Variants in CEMIP observed in about 807,000 individuals in gnomAD.
CEMIP encodes cell migration inducing hyaluronidase 1.
In CEMIP, 105 loss-of-function variants were observed where a neutral mutation model predicts 156.9. The ratio of observed to expected loss-of-function variants is 0.67; its 90% CI spans 0.57 to 0.79. The LOEUF is 0.79. Among genes scored for constraint, CEMIP ranks in the 30% least tolerant of loss-of-function variants. The pLI, the probability that CEMIP is intolerant of heterozygous loss-of-function variation, is 0.00. For synonymous variants in CEMIP, 676 were observed against 668.4 expected, an observed-to-expected ratio of 1.01 and a Z score of -0.17; for missense variants, 1,457 against 1,769.4, an observed-to-expected ratio of 0.82 and a Z score of 3.17.
At chr15:80,894,955 AC>A (rs770881423) in intron 10 of CEMIP, 34 bp from the exon 11 acceptor site, 2 of 1,613,528 alleles carry the variant, frequency 1.2e-6, no homozygotes, top group East Asian at 2.2e-5. Context: ...TAAAAAAAAA[AC>A]GACTTTGCTC....
chr15:80,900,914 T>C (rs547729159), intron 12 of CEMIP: 132 of 455,546 alleles, frequency 2.9e-4, no homozygotes, highest in Non-Finnish European at 4.2e-4. Context: ...TTCTTCCTCA[T>C]TGCTCCCAGA....
chr15:80,826,032 C>T (rs1897029721), intron 1 of CEMIP, among the ~76,000 whole-genome samples: 2 of 152,196 alleles, frequency 1.3e-5, no homozygotes, highest in African/African-American at 2.4e-5. Flanking sequence ...TTAGGAACTT[C>T]ACCATCTGCA....
At chr15:80,833,485 G>A (rs1229315105) in intron 1 of CEMIP, among the ~76,000 whole-genome samples, 1 of 152,020 alleles carries the variant, frequency 6.6e-6, no homozygotes, top group Non-Finnish European at 1.5e-5. Context: ...TCCTCCAAAG[G>A]AATCAGGTTA....
At chr15:80,799,311 C>A (rs552243687) in intron 1 of CEMIP, among the ~76,000 whole-genome samples, 3 of 152,180 alleles carry the variant, frequency 2.0e-5, no homozygotes, top group Admixed American at 6.5e-5. Context: ...GCAGTCCCTG[C>A]GCAGCACTGG....
At chr15:80,925,071 G>A (rs1409492831) in intron 18 of CEMIP, among the ~76,000 whole-genome samples, 53 of 152,200 alleles carry the variant, frequency 3.5e-4, no homozygotes, top group Admixed American at 3.5e-3. Context: ...GAACATGCAA[G>A]TCATGCCTAT....
In CEMIP at chr15:80,873,999, CTG is replaced by C. The variant is rs753214232; in HGVS notation, c.94+28_94+29del. 1,032 of 1,545,380 alleles carry C rather than the reference CTG, an allele frequency of 6.7e-4. 3 individuals carry two copies. Among genetic ancestry groups the C allele is most frequent in the Non-Finnish European group, 8.8e-4 (1,000 of 1,138,218 alleles). On this transcript the variant is annotated intron_variant, in intron 3 of 29. Transcript: ENST00000394685. ...GTGAGCACTGCAAACAGATGGACCT[CTG>C]TATCTCAGCATGGAAGGCACGGCCC...
intron 6 of CEMIP, 115 bp downstream of exon 6, chr15:80,881,251 A>G: frequency 1.1e-6 from 1 of 913,072 alleles, no homozygotes. Flanking sequence ...AATGAAACAG[A>G]TGGGAATCCC....
At chr15:80,914,427 TGTCC>T (rs1900185117) in intron 14 of CEMIP, among the ~76,000 whole-genome samples, 2 of 152,194 alleles carry the variant, frequency 1.3e-5, no homozygotes, top group Non-Finnish European at 2.9e-5. Flanking sequence ...GAAACCAGGA[TGTCC>T]CCAACAGGCT....
intron 1 of CEMIP, among the ~76,000 whole-genome samples, chr15:80,794,937 G>C (rs967183726): frequency 1.3e-5 from 2 of 152,138 alleles, no homozygotes; most frequent in Non-Finnish European, 2.9e-5. Flanking sequence ...GCCTCTTTTG[G>C]GAAGCAACAT....
chr15:80,941,360 A>G (rs1379438360), intron 25 of CEMIP, among the ~76,000 whole-genome samples: 1 of 152,176 alleles, frequency 6.6e-6, no homozygotes, highest in Non-Finnish European at 1.5e-5. Flanking sequence ...TAAATAAATT[A>G]TAAATAATTT....
intron 1 of CEMIP, among the ~76,000 whole-genome samples, chr15:80,796,920 T>C (rs960108704): frequency 1.3e-5 from 2 of 152,172 alleles, no homozygotes; most frequent in Non-Finnish European, 1.5e-5. Flanking sequence ...CAAAGTATAG[T>C]AAGAATTTGT....
chr15:80,917,017 G>T (rs1900299272), intron 14 of CEMIP, among the ~76,000 whole-genome samples: 1 of 152,188 alleles, frequency 6.6e-6, no homozygotes, highest in Non-Finnish European at 1.5e-5. Context: ...GTGACTTGGG[G>T]CAACTTTCTA....
In CEMIP at chr15:80,929,407, A is replaced by G. The variant is rs1218774295; in HGVS notation, c.2612+233A>G. Among the ~76,000 whole-genome samples, 29 of 152,220 alleles carry G rather than the reference A, an allele frequency of 1.9e-4. 1 individual carries two copies. The highest frequency in any genetic ancestry group is 1.9e-3 in the Admixed American group (29 of 15,292). On this transcript the variant is annotated intron_variant, in intron 21 of 29. Transcript: ENST00000394685. ...TCAACAGGGTGACGTGGCCATCAAA[A>G]TGCGTAATGCATTCCTGGGCTATGT...
intron 4 of CEMIP, among the ~76,000 whole-genome samples, chr15:80,879,256 C>T (rs930685981): frequency 6.6e-6 from 1 of 152,154 alleles, no homozygotes. Context: ...GGGTTCTGCT[C>T]GTGAATTCAA....
chr15:80,814,763 A>C (rs1896753646), intron 1 of CEMIP, among the ~76,000 whole-genome samples: 1 of 152,206 alleles, frequency 6.6e-6, no homozygotes, highest in Non-Finnish European at 1.5e-5. Flanking sequence ...GAGAGATTTC[A>C]CTAATTCCTC....
At chr15:80,827,448 G>A (rs1483365236) in intron 1 of CEMIP, among the ~76,000 whole-genome samples, 3 of 152,076 alleles carry the variant, frequency 2.0e-5, no homozygotes, top group African/African-American at 7.2e-5. Context: ...GTGAAACCCT[G>A]TCTCTACTAA....
intron 1 of CEMIP, among the ~76,000 whole-genome samples, chr15:80,788,057 C>T (rs1895984606): frequency 6.6e-6 from 1 of 152,158 alleles, no homozygotes; most frequent in Non-Finnish European, 1.5e-5. Flanking sequence ...AATCCTGGGT[C>T]TCCAGTGCCT....
chr15:80,936,916 C>T (rs1371906559), intron 24 of CEMIP, 31 bp downstream of exon 24: 1 of 1,600,372 alleles, frequency 6.2e-7, no homozygotes, highest in African/African-American at 1.3e-5. Flanking sequence ...GAGCAGTGAG[C>T]TCAAAGCTGA....
chr15:80,803,636 G>C (rs1896436919), intron 1 of CEMIP, among the ~76,000 whole-genome samples: 1 of 152,130 alleles, frequency 6.6e-6, no homozygotes, highest in Non-Finnish European at 1.5e-5. Context: ...CCATGCAGTT[G>C]GTTCTAGACC....
Sources: gnomAD v4.1 joint callset for allele counts (sites outside exome capture counted in the v4.1 genomes callset) on GRCh38, gnomAD v4.1.1 for gene constraint, MANE v1.5 for transcripts, NCBI Gene and HGNC (gene_info 2026-07-23, HGNC 2026-07-21) for gene names.